SLC5A4: variants seen among roughly 807,000 people sequenced by gnomAD.
SLC5A4 encodes the protein probable glucose sensor protein SLC5A4.
SLC5A4 carries 55 observed loss-of-function variants against 70.3 expected under a neutral mutation model. That is an observed-to-expected ratio of 0.78 (90% CI 0.63 to 0.98). SLC5A4 has a LOEUF of 0.98. SLC5A4 is among the 50% of genes least tolerant of loss of function. The pLI is 0.00. For missense variants in SLC5A4, 735 were observed against 839.2 expected (o/e 0.88, Z 1.53); for synonymous variants, 268 against 305.7 (o/e 0.88, Z 1.29).
intron 5 of SLC5A4, among the ~76,000 whole-genome samples, chr22:32,244,378 C>A (rs1353432145): frequency 6.6e-6 from 1 of 152,198 alleles, no homozygotes; most frequent in Admixed American, 6.5e-5. Flanking sequence ...TACACCACAG[C>A]ATTTTGACTT....
the SLC5A4 span, among the ~76,000 whole-genome samples, chr22:32,316,934 C>CTGTGTGTGTGTGTGTGTGTGTG: frequency 0.012 from 1,716 of 148,648 alleles, 23 homozygotes; most frequent in African/African-American, 0.04. Flanking sequence ...ATTAACAACT[C>CTGTGTGTGTGTGTGTGTGTGTG]TGTGTGTGTG....
At position 32,247,503 on chromosome 22, in the gene SLC5A4, G is replaced by T; in HGVS notation, c.385C>A (p.Pro129Thr). 6.2e-7 allele frequency: 1 copy of T among 1,611,840 alleles called. No homozygotes were observed. The highest frequency in any genetic ancestry group is 8.5e-7 in the Non-Finnish European group (1 of 1,177,900). ...CCAAACCGCTTCTTGAGATATTCCG[G>T]CATGGTCATCACCTGCAGAGACAGA... ...IYIKSGVMTM[P>T]EYLKKRFGGE... The change falls in exon 5 of 15, where the codon CCG becomes ACG. Residue 129 changes from proline to threonine, a missense_variant. Pro to Thr is a conservative substitution (Grantham distance 38). Coordinates refer to ENST00000266086, the MANE Select transcript of SLC5A4 (RefSeq NM_014227.3).
chr22:32,255,102 G>T, intron 1 of SLC5A4, 93 bp downstream of exon 1: 1 of 1,178,148 alleles, frequency 8.5e-7, no homozygotes, highest in Non-Finnish European at 1.2e-6. Flanking sequence ...TGACATTTGT[G>T]AAAAGCTTTG....
the SLC5A4 span, among the ~76,000 whole-genome samples, chr22:32,337,078 G>A: frequency 6.6e-6 from 1 of 152,216 alleles, no homozygotes; most frequent in Non-Finnish European, 1.5e-5. Context: ...TGGCACGGAG[G>A]TCAGATCAGT....
At chr22:32,305,962 G>A in the SLC5A4 span, among the ~76,000 whole-genome samples, 1 of 152,016 alleles carries the variant, frequency 6.6e-6, no homozygotes, top group Non-Finnish European at 1.5e-5. Context: ...TTGGCATTGA[G>A]TGTGCAGGAT....
chr22:32,351,737 TGGGGGGAGGGCGGG>T, the SLC5A4 span, among the ~76,000 whole-genome samples: 2 of 2,636 alleles, frequency 7.6e-4, no homozygotes, highest in African/African-American at 4.0e-3. Flanking sequence ...GTGGGGGCGG[TGGGGGGAGGGCGGG>T]GGGGGGGTGG....
At chr22:32,307,046 T>A in the SLC5A4 span, among the ~76,000 whole-genome samples, 5 of 152,282 alleles carry the variant, frequency 3.3e-5, no homozygotes, top group African/African-American at 1.2e-4. Context: ...TTTAGGGTCA[T>A]TCAACAGGGT....
chr22:32,244,234 T>C (rs541591664), intron 5 of SLC5A4, among the ~76,000 whole-genome samples: 48 of 152,190 alleles, frequency 3.2e-4, no homozygotes, highest in Non-Finnish European at 6.3e-4. Flanking sequence ...AAGATTTCAC[T>C]TTTAAAAAAA....
At chr22:32,294,517 G>T in the SLC5A4 span, among the ~76,000 whole-genome samples, 5 of 151,856 alleles carry the variant, frequency 3.3e-5, no homozygotes, top group Non-Finnish European at 1.5e-5. Flanking sequence ...CCATCACAAG[G>T]ATCCCTCCTG....
intron 5 of SLC5A4, among the ~76,000 whole-genome samples, chr22:32,239,885 A>T (rs561222489): frequency 1.1e-3 from 161 of 150,428 alleles, no homozygotes; most frequent in Non-Finnish European, 2.0e-3. Context: ...TTAGCCAGGC[A>T]TGGTGGCAGC....
At chr22:32,259,297 A>G (rs5994515), upstream of SLC5A4, among the ~76,000 whole-genome samples, 12,099 of 152,242 alleles carry the variant, frequency 0.079, 784 homozygotes, top group African/African-American at 0.18. Context: ...TCAGGGGAAA[A>G]GCTTTTAGTC....
At chr22:32,225,914 A>G in intron 11 of SLC5A4, 91 bp from the exon 12 acceptor site, 1 of 878,246 alleles carries the variant, frequency 1.1e-6, no homozygotes. Flanking sequence ...TCTTGTTGTC[A>G]CTCATTGATT....
the SLC5A4 span, among the ~76,000 whole-genome samples, chr22:32,330,457 GTGT>G: frequency 1.2e-5 from 1 of 83,278 alleles, no homozygotes. Flanking sequence ...GCTCTGGGGT[GTGT>G]GTGTGTGTGT....
At chr22:32,236,736 G>C (rs887778177) in intron 7 of SLC5A4, among the ~76,000 whole-genome samples, 2 of 145,196 alleles carry the variant, frequency 1.4e-5, no homozygotes, top group African/African-American at 5.1e-5. Flanking sequence ...ATGGAGTCTC[G>C]CTCTGTTGCC....
At chr22:32,234,040 T>C (rs1175436650) in intron 8 of SLC5A4, among the ~76,000 whole-genome samples, 4 of 152,052 alleles carry the variant, frequency 2.6e-5, no homozygotes, top group African/African-American at 9.7e-5. Context: ...GAAGGGAAAG[T>C]TGAAAGACAG....
chr22:32,319,893 G>A, the SLC5A4 span, among the ~76,000 whole-genome samples: 3 of 152,138 alleles, frequency 2.0e-5, no homozygotes, highest in East Asian at 1.9e-4. Flanking sequence ...GGCCAATAAC[G>A]ATGCCCAGCA....
Position 32,225,740 on chromosome 22 carries a change from T to A in SLC5A4, c.1364A>T (p.Tyr455Phe). 6.2e-7 allele frequency: 1 copy of A among 1,611,486 alleles called. No homozygotes were observed. The highest frequency in any genetic ancestry group is 8.5e-7 in the Non-Finnish European group (1 of 1,177,554). Residue 455 changes from tyrosine (Y) to phenylalanine (F), a missense_variant, in exon 12 of 15, where the codon TAC (tyrosine) becomes TTC (phenylalanine). Transcript: ENST00000266086. ...AAGGTAGCTAGAAATTGATTCTGTG[T>A]AATGGATTAGTTGTCCATTTTGAGA... is the stretch of plus-strand genomic sequence containing the variant. ...QVSQNGQLIH[Y>F]TESISSYLGP...
the SLC5A4 span, chr22:32,269,485 G>T: frequency 1.8e-6 from 1 of 555,094 alleles, no homozygotes; most frequent in Non-Finnish European, 3.5e-6. This position sits in a 1 kb window ranked among gnomAD's most constrained non-coding sequence, Gnocchi z 4.1. Flanking sequence ...AGCCCAACCA[G>T]ACCTGGCCCG....
the SLC5A4 span, among the ~76,000 whole-genome samples, chr22:32,337,886 T>G: frequency 1.3e-5 from 2 of 150,478 alleles, no homozygotes; most frequent in African/African-American, 4.9e-5. Context: ...AACTAAGAAG[T>G]GATACATTTT....
Sources: gnomAD v4.1 joint callset for allele counts (sites outside exome capture counted in the v4.1 genomes callset) on GRCh38, gnomAD v4.1.1 for gene constraint, Gnocchi (gnomAD v3.1) non-coding constraint, MANE v1.5 for transcripts, NCBI Gene and HGNC (gene_info 2026-07-23, HGNC 2026-07-21) for gene names.